EFCAB3: variants seen among roughly 807,000 people sequenced by gnomAD.
EFCAB3 encodes EF-hand calcium binding domain 3, also known as EF-hand calcium-binding domain-containing protein 3.
In EFCAB3, 36 loss-of-function variants were observed where a neutral mutation model predicts 42.2. The observed-to-expected ratio is 0.85, with a 90% confidence interval of 0.65 to 1.13. The LOEUF is 1.13. Ranked by LOEUF, EFCAB3 falls within the 50% of genes most tolerant of loss-of-function variation. EFCAB3 has a pLI of 0.00. For synonymous variants in EFCAB3, 170 were observed against 172.8 expected, an observed-to-expected ratio of 0.98 and a Z score of 0.13; for missense variants, 418 against 505.1, an observed-to-expected ratio of 0.83 and a Z score of 1.65.
At chr17:62,404,476 C>T (rs2070431568) in intron 6 of EFCAB3, among the ~76,000 whole-genome samples, 5 of 151,718 alleles carry the variant, frequency 3.3e-5, no homozygotes, top group Admixed American at 2.6e-4. Flanking sequence ...CCTGGGAGAC[C>T]GTGAGACTCT....
At chr17:62,387,943 G>A (rs1399624330) in intron 3 of EFCAB3, among the ~76,000 whole-genome samples, 1 of 152,152 alleles carries the variant, frequency 6.6e-6, no homozygotes, top group African/African-American at 2.4e-5. Flanking sequence ...GGTGGCTCAC[G>A]CCTGTAATCT....
intron 6 of EFCAB3, chr17:62,397,447 A>C (rs2070359773): frequency 1.9e-6 from 1 of 530,836 alleles, no homozygotes; most frequent in Non-Finnish European, 3.7e-6. Flanking sequence ...ACAGTCACTG[A>C]CGAGACCAGA....
chr17:62,374,038 C>T (rs1309252447), intron 2 of EFCAB3, among the ~76,000 whole-genome samples: 2 of 152,176 alleles, frequency 1.3e-5, no homozygotes, highest in East Asian at 1.9e-4. Flanking sequence ...ATTCTATCCT[C>T]CAATGATAAT....
At chr17:62,378,296 T>C (rs878900711), upstream of EFCAB3, among the ~76,000 whole-genome samples, 4 of 152,200 alleles carry the variant, frequency 2.6e-5, no homozygotes, top group Admixed American at 2.6e-4. Flanking sequence ...CTAAGAACAC[T>C]GTAGCCTATT....
chr17:62,372,527 C>G (rs1488729378), intron 1 of EFCAB3, among the ~76,000 whole-genome samples: 1 of 149,952 alleles, frequency 6.7e-6, no homozygotes, highest in Non-Finnish European at 1.5e-5. Flanking sequence ...AGTGATCTGC[C>G]TGCCTCAGCC....
chr17:62,390,083 G>A (rs930808477), intron 3 of EFCAB3, among the ~76,000 whole-genome samples: 2 of 152,144 alleles, frequency 1.3e-5, no homozygotes, highest in Admixed American at 6.5e-5. Flanking sequence ...ACCGTGCCCG[G>A]CCATAAATGA....
At chr17:62,385,716 C>CTTTTTTTTTT (rs35067521) in intron 2 of EFCAB3, among the ~76,000 whole-genome samples, 1 of 77,558 alleles carries the variant, frequency 1.3e-5, no homozygotes, top group African/African-American at 4.5e-5. Context: ...TCTAGTTTTA[C>CTTTTTTTTTT]TTTTTTTTTT....
At chr17:62,403,034 A>C (rs2070417664) in intron 6 of EFCAB3, among the ~76,000 whole-genome samples, 1 of 152,218 alleles carries the variant, frequency 6.6e-6, no homozygotes, top group Non-Finnish European at 1.5e-5. Context: ...ATATGTGTCC[A>C]GGAATTTATC....
chr17:62,413,631 C>G lies in EFCAB3; in HGVS notation c.868-101C>G, dbSNP rs143813150. Reference sequence around the variant, plus strand: ...TGGCAATAACCTTATAAATTATATACAAATCCTTCTATAATAAAATATACT... The same window carrying G: ...TGGCAATAACCTTATAAATTATATAGAAATCCTTCTATAATAAAATATACT... On this transcript the variant is annotated intron_variant, in intron 8 of 9. Coordinates refer to ENST00000305286, the MANE Select transcript of EFCAB3 (RefSeq NM_173503.4). 7 of 1,058,470 alleles carry G rather than the reference C, an allele frequency of 6.6e-6. No individual in the cohort carries two copies. The South Asian group carries it at 7.0e-5, about 11-fold the overall frequency. 65.6% of individuals were successfully genotyped at this position (1,058,470 alleles called of 1,614,324 possible).
intron 6 of EFCAB3, among the ~76,000 whole-genome samples, chr17:62,402,060 G>A (rs1372545941): frequency 6.6e-6 from 1 of 152,170 alleles, no homozygotes; most frequent in Non-Finnish European, 1.5e-5. Context: ...AATTGTGAAT[G>A]GGAGTACACT....
intron 7 of EFCAB3, 52 bp downstream of exon 7, chr17:62,406,725 G>T (rs2070451457): frequency 1.3e-6 from 2 of 1,585,752 alleles, no homozygotes; most frequent in South Asian, 2.3e-5. Flanking sequence ...ATTTGTATAT[G>T]ACTGGTCAGA....
chr17:62,392,038 G>A, intron 4 of EFCAB3, 73 bp downstream of exon 4: 2 of 1,403,486 alleles, frequency 1.4e-6, no homozygotes, highest in Non-Finnish European at 9.4e-7. Context: ...TTTAATGACT[G>A]TATAAACATG....
chr17:62,399,640 T>G (rs913718522), intron 6 of EFCAB3, among the ~76,000 whole-genome samples: 1 of 152,066 alleles, frequency 6.6e-6, no homozygotes, highest in South Asian at 2.1e-4. Flanking sequence ...TTTCCCTCTA[T>G]CTGGATACTT....
At chr17:62,409,967 A>G (rs2070480940) in intron 8 of EFCAB3, among the ~76,000 whole-genome samples, 1 of 151,734 alleles carries the variant, frequency 6.6e-6, no homozygotes, top group Non-Finnish European at 1.5e-5. Context: ...TGGGAGGCCA[A>G]AGCAGGTGGA....
intron 1 of EFCAB3, 49 bp from the exon 2 acceptor site, chr17:62,382,914 A>T: frequency 6.5e-7 from 1 of 1,529,000 alleles, no homozygotes; most frequent in Non-Finnish European, 8.9e-7. Context: ...AAAGAATATA[A>T]AGAATGAATC....
chr17:62,391,420 G>C (rs564192836), intron 3 of EFCAB3, among the ~76,000 whole-genome samples: 1 of 152,082 alleles, frequency 6.6e-6, no homozygotes, highest in East Asian at 2.0e-4. Flanking sequence ...TCTTTCTCAT[G>C]CTCTAAACCT....
chr17:62,381,670 T>G (rs1430709670), intron 1 of EFCAB3: 1 of 201,806 alleles, frequency 5.0e-6, no homozygotes, highest in Non-Finnish European at 1.0e-5. Context: ...CCGCCCCCAG[T>G]GCGCTCGGTC....
At chr17:62,389,579 A>T (rs1013592841) in intron 3 of EFCAB3, among the ~76,000 whole-genome samples, 1 of 152,168 alleles carries the variant, frequency 6.6e-6, no homozygotes, top group African/African-American at 2.4e-5. Flanking sequence ...CCTTACTGTC[A>T]ATTGGTCTGC....
chr17:62,387,652 A>G (rs1236829866), intron 3 of EFCAB3, among the ~76,000 whole-genome samples: 1 of 152,224 alleles, frequency 6.6e-6, no homozygotes, highest in Non-Finnish European at 1.5e-5. Context: ...ACTTGTGGGT[A>G]TGGAAAAGAA....
Sources: allele counts gnomAD v4.1 joint callset (sites outside exome capture counted in the v4.1 genomes callset), GRCh38; gene constraint gnomAD v4.1.1; transcripts MANE v1.5; gene names NCBI Gene and HGNC (gene_info 2026-07-23, HGNC 2026-07-21).